GRK5: variants seen among roughly 807,000 people sequenced by gnomAD.
GRK5 encodes the protein g protein-coupled receptor kinase GRK5.
GRK5 carries 40 observed loss-of-function variants against 78.4 expected under a neutral mutation model. The observed-to-expected ratio is 0.51, with a 90% CI of 0.40 to 0.66. The LOEUF is 0.66. Among genes scored for constraint, GRK5 ranks in the 30% least tolerant of loss-of-function variants. GRK5 has a pLI of 0.00. For synonymous variants in GRK5, 289 were observed against 296.8 expected (o/e 0.97, Z 0.27); for missense variants, 598 against 759.9 (o/e 0.79, Z 2.50).
intron 8 of GRK5, among the ~76,000 whole-genome samples, chr10:119,433,337 C>G (rs575450650): frequency 1.1e-4 from 16 of 152,228 alleles, no homozygotes; most frequent in East Asian, 1.9e-4. Flanking sequence ...GCCTATGGAG[C>G]CTTGTCTCTG....
intron 2 of GRK5, chr10:119,333,424 T>G (rs544140973): frequency 2.0e-5 from 4 of 203,132 alleles, no homozygotes; most frequent in Non-Finnish European, 2.0e-5. Context: ...GTCGGAGTCA[T>G]GATCACAGTG....
intron 2 of GRK5, among the ~76,000 whole-genome samples, chr10:119,365,220 GA>G (rs1380244499): frequency 3.3e-5 from 5 of 152,252 alleles, no homozygotes; most frequent in Non-Finnish European, 5.9e-5. Flanking sequence ...GTATAGCTGA[GA>G]AAGCTTTAGT....
At chr10:119,433,161 AC>A (rs957686506) in intron 8 of GRK5, among the ~76,000 whole-genome samples, 4 of 152,058 alleles carry the variant, frequency 2.6e-5, no homozygotes, top group Admixed American at 1.3e-4. Context: ...ATCCCAGGCC[AC>A]CCCCAGCTGC....
chr10:119,275,971 G>C (rs554060547), intron 1 of GRK5, among the ~76,000 whole-genome samples: 2 of 152,154 alleles, frequency 1.3e-5, no homozygotes, highest in Non-Finnish European at 2.9e-5. Context: ...AGGAGGTTTT[G>C]AGAATCCCCC....
At chr10:119,268,869 A>T (rs899416262) in intron 1 of GRK5, among the ~76,000 whole-genome samples, 1 of 152,218 alleles carries the variant, frequency 6.6e-6, no homozygotes, top group Non-Finnish European at 1.5e-5. Flanking sequence ...TTCATCCATC[A>T]TCCACCACGG....
chr10:119,407,005 T>G (rs1169271140), intron 4 of GRK5, among the ~76,000 whole-genome samples: 1 of 152,224 alleles, frequency 6.6e-6, no homozygotes, highest in African/African-American at 2.4e-5. Context: ...TCACTCAGGA[T>G]GGGCGCCCAG....
intron 3 of GRK5, among the ~76,000 whole-genome samples, chr10:119,387,868 G>A (rs1306105993): frequency 6.6e-6 from 1 of 152,132 alleles, no homozygotes; most frequent in Non-Finnish European, 1.5e-5. Context: ...CTAGCAGTTG[G>A]GAGAACACAA....
intron 1 of GRK5, among the ~76,000 whole-genome samples, chr10:119,254,065 A>G (rs1849243511): frequency 6.6e-6 from 1 of 152,224 alleles, no homozygotes; most frequent in Admixed American, 6.5e-5. Context: ...AAACCACACC[A>G]CAGCGGGGAA....
chr10:119,354,350 C>G (rs150758418), intron 2 of GRK5, among the ~76,000 whole-genome samples: 110 of 149,176 alleles, frequency 7.4e-4, no homozygotes, highest in Middle Eastern at 3.5e-3. Flanking sequence ...TACATTAGAT[C>G]TCTAGACTTA....
intron 1 of GRK5, among the ~76,000 whole-genome samples, chr10:119,212,176 T>C (rs1848498746): frequency 1.3e-5 from 2 of 152,286 alleles, no homozygotes; most frequent in Non-Finnish European, 2.9e-5. Flanking sequence ...TTTTAAAGTT[T>C]CCTTTTCAGT....
chr10:119,284,884 G>A (rs548209883), intron 1 of GRK5, among the ~76,000 whole-genome samples: 155 of 152,334 alleles, frequency 1.0e-3, no homozygotes, highest in Middle Eastern at 3.4e-3. Flanking sequence ...GAGGTCCTGG[G>A]CAGGGCTCTG....
intron 1 of GRK5, among the ~76,000 whole-genome samples, chr10:119,308,236 T>TC (rs1306569802): frequency 6.6e-6 from 1 of 152,124 alleles, no homozygotes; most frequent in Non-Finnish European, 1.5e-5. Context: ...CAGATCTGGA[T>TC]CAGGGTCAGG....
chr10:119,421,142 A>C (rs1852562427), intron 4 of GRK5, among the ~76,000 whole-genome samples: 1 of 152,234 alleles, frequency 6.6e-6, no homozygotes, highest in Non-Finnish European at 1.5e-5. Flanking sequence ...GCTCACGAAC[A>C]GACAACCAGC....
intron 6 of GRK5, among the ~76,000 whole-genome samples, chr10:119,427,093 CATCATCAGCATCACTGCT>C (rs1335636765): frequency 2.0e-5 from 3 of 152,274 alleles, no homozygotes; most frequent in Middle Eastern, 3.4e-3. Context: ...GCATCACCGC[CATCATCAGCATCACTGCT>C]ATCATCAGTA....
chr10:119,389,726 TAA>T (rs1851855637), intron 3 of GRK5, among the ~76,000 whole-genome samples: 1 of 151,808 alleles, frequency 6.6e-6, no homozygotes, highest in Non-Finnish European at 1.5e-5. Flanking sequence ...AAGCTTAACA[TAA>T]AAACCCTGGG....
intron 1 of GRK5, among the ~76,000 whole-genome samples, chr10:119,303,699 G>T (rs572889779): frequency 6.7e-6 from 1 of 149,776 alleles, no homozygotes; most frequent in African/African-American, 2.5e-5. Context: ...GGGCAAGAAC[G>T]GAGGTGGGAG....
intron 1 of GRK5, among the ~76,000 whole-genome samples, chr10:119,305,748 G>A (rs75217455): frequency 0.014 from 2,128 of 152,308 alleles, 50 homozygotes; most frequent in African/African-American, 0.039. Context: ...TAACCTACGT[G>A]TCTCTCAACA....
At position 119,317,347 on chromosome 10, in the gene GRK5, G is replaced by GGTGT. The variant is rs3064482; in HGVS notation, c.53-9135_53-9132dup. ...AAGGCAAAGAGGCATTCAGTAGATG[G>GGTGT]GTGTGTGTGTGTGTGTGTGTGTGTG... On this transcript the variant is annotated intron_variant, in intron 1 of 15. Coordinates refer to ENST00000392870, the MANE Select transcript of GRK5 (RefSeq NM_005308.3). 1.9e-3 allele frequency among the ~76,000 whole-genome samples: 265 copies of GGTGT among 142,510 alleles called. 1 individual carries two copies. The highest frequency in any genetic ancestry group is 0.01 in the Middle Eastern group (3 of 286). 93.5% of individuals were successfully genotyped at this position (142,510 alleles called of 152,430 possible).
chr10:119,326,375 C>T (rs1438377403), intron 1 of GRK5, 141 bp from the exon 2 acceptor site: 2 of 668,456 alleles, frequency 3.0e-6, no homozygotes, highest in East Asian at 2.7e-5. Context: ...TTGTGTGTGT[C>T]TTGGGCTGGG....
Sources: gnomAD v4.1 joint callset for allele counts (sites outside exome capture counted in the v4.1 genomes callset) on GRCh38, gnomAD v4.1.1 for gene constraint, MANE v1.5 for transcripts, NCBI Gene and HGNC (gene_info 2026-07-23, HGNC 2026-07-21) for gene names.